NELL1: variants seen among roughly 807,000 people sequenced by gnomAD.
NELL1 encodes protein kinase C-binding protein NELL1.
In NELL1, 76 loss-of-function variants were observed where a neutral mutation model predicts 107.4. The observed-to-expected ratio is 0.71, with a 90% confidence interval of 0.59 to 0.86. NELL1 has a LOEUF of 0.86. Ranked by LOEUF, NELL1 falls within the 40% of genes least tolerant of loss-of-function variation. NELL1 has a pLI of 0.00. For synonymous variants in NELL1, 353 were observed against 341.2 expected, an observed-to-expected ratio of 1.03 and a Z score of -0.38; for missense variants, 1,024 against 1,005.5, an observed-to-expected ratio of 1.02 and a Z score of -0.25.
chr11:21,405,509 T>C (rs1212645698), intron 15 of NELL1, among the ~76,000 whole-genome samples: 1 of 152,036 alleles, frequency 6.6e-6, no homozygotes, highest in Non-Finnish European at 1.5e-5. Context: ...CCTATGAAGT[T>C]AATACGAGAA....
chr11:20,741,586 T>C (rs1855890867), intron 2 of NELL1, among the ~76,000 whole-genome samples: 3 of 152,188 alleles, frequency 2.0e-5, no homozygotes, highest in Admixed American at 6.5e-5. Flanking sequence ...TTTCTTTTCA[T>C]CTCTGTGAAT....
At chr11:20,790,826 C>T (rs899536377) in intron 3 of NELL1, among the ~76,000 whole-genome samples, 4 of 152,176 alleles carry the variant, frequency 2.6e-5, no homozygotes, top group African/African-American at 9.7e-5. Context: ...TTTCAAGGCT[C>T]CCAGTGGCTC....
intron 15 of NELL1, among the ~76,000 whole-genome samples, chr11:21,429,371 G>A (rs931796704): frequency 6.6e-6 from 1 of 152,126 alleles, no homozygotes; most frequent in Non-Finnish European, 1.5e-5. Context: ...ATCAATCAAG[G>A]GCTTGAACCT....
chr11:21,384,619 C>T (rs1564869239), intron 15 of NELL1, among the ~76,000 whole-genome samples: 1 of 152,014 alleles, frequency 6.6e-6, no homozygotes, highest in Non-Finnish European at 1.5e-5. Context: ...ACAACAGTCC[C>T]CAGAGTGTGA....
chr11:21,164,754 A>G (rs1856445051), intron 13 of NELL1, among the ~76,000 whole-genome samples: 1 of 152,206 alleles, frequency 6.6e-6, no homozygotes, highest in Non-Finnish European at 1.5e-5. Flanking sequence ...GAAGGAGAAC[A>G]AAAATCCTCT....
intron 14 of NELL1, among the ~76,000 whole-genome samples, chr11:21,246,809 TGGCAAAA>T (rs910583631): frequency 6.6e-5 from 10 of 152,220 alleles, no homozygotes; most frequent in Admixed American, 2.6e-4. Context: ...CTCACAATCA[TGGCAAAA>T]GGCAAAAGGC....
At chr11:21,268,638 A>G (rs902205863) in intron 14 of NELL1, among the ~76,000 whole-genome samples, 1 of 152,158 alleles carries the variant, frequency 6.6e-6, no homozygotes, top group African/African-American at 2.4e-5. Flanking sequence ...TAATGAAAGA[A>G]TGAGACCTAA....
At chr11:21,258,866 G>A (rs1350635093) in intron 14 of NELL1, among the ~76,000 whole-genome samples, 1 of 151,948 alleles carries the variant, frequency 6.6e-6, no homozygotes, top group African/African-American at 2.4e-5. Context: ...GGCAGAGATA[G>A]AGGTTCAGAA....
intron 13 of NELL1, among the ~76,000 whole-genome samples, chr11:21,199,711 A>C (rs899992081): frequency 6.6e-6 from 1 of 152,086 alleles, no homozygotes; most frequent in African/African-American, 2.4e-5. Flanking sequence ...GGTTTGTTAC[A>C]TAGGTATACA....
At chr11:21,394,366 A>G (rs1237457701) in intron 15 of NELL1, among the ~76,000 whole-genome samples, 1 of 151,562 alleles carries the variant, frequency 6.6e-6, no homozygotes, top group Non-Finnish European at 1.5e-5. Flanking sequence ...AATAATATAT[A>G]CAGAACTCAT....
At chr11:21,332,100 C>T (rs1850285143) in intron 14 of NELL1, among the ~76,000 whole-genome samples, 1 of 152,178 alleles carries the variant, frequency 6.6e-6, no homozygotes, top group Non-Finnish European at 1.5e-5. Flanking sequence ...TTCAACTGGA[C>T]TCTCAGCTCT....
intron 12 of NELL1, among the ~76,000 whole-genome samples, chr11:21,047,702 A>C (rs1239563600): frequency 6.6e-6 from 1 of 152,192 alleles, no homozygotes; most frequent in African/African-American, 2.4e-5. Context: ...TTATGCTAAC[A>C]TATAAAATGG....
chr11:21,172,204 T>C (rs1236275950), intron 13 of NELL1, among the ~76,000 whole-genome samples: 1 of 151,870 alleles, frequency 6.6e-6, no homozygotes, highest in Non-Finnish European at 1.5e-5. Flanking sequence ...TCCTTCCAAA[T>C]CTAAAATTCT....
At chr11:21,452,694 C>G (rs573481526) in intron 15 of NELL1, among the ~76,000 whole-genome samples, 26 of 151,848 alleles carry the variant, frequency 1.7e-4, no homozygotes, top group Non-Finnish European at 2.7e-4. Context: ...TATTTCCTTC[C>G]TACAGTGTAC....
At chr11:21,531,170 C>T (rs115546304) in intron 15 of NELL1, among the ~76,000 whole-genome samples, 1 of 152,108 alleles carries the variant, frequency 6.6e-6, no homozygotes, top group African/African-American at 2.4e-5. Context: ...ATACAAAACA[C>T]AAACACACAC....
At chr11:20,718,283 A>G (rs1163655151) in intron 2 of NELL1, among the ~76,000 whole-genome samples, 1 of 152,136 alleles carries the variant, frequency 6.6e-6, no homozygotes, top group Non-Finnish European at 1.5e-5. Context: ...TGCAACTGAG[A>G]AGCTGGATTT....
chr11:20,857,556 G>A (rs997600948), intron 4 of NELL1, among the ~76,000 whole-genome samples: 1 of 152,226 alleles, frequency 6.6e-6, no homozygotes, highest in East Asian at 1.9e-4. Flanking sequence ...TCTCCTGTGA[G>A]TGTGGAGAAA....
At chr11:21,296,937 CA>C (rs1173796433) in intron 14 of NELL1, among the ~76,000 whole-genome samples, 1 of 151,074 alleles carries the variant, frequency 6.6e-6, no homozygotes, top group Non-Finnish European at 1.5e-5. Flanking sequence ...ACCCATAAAT[CA>C]AATATTATAC....
intron 2 of NELL1, among the ~76,000 whole-genome samples, chr11:20,766,515 A>G (rs1163351382): frequency 6.6e-6 from 1 of 152,182 alleles, no homozygotes; most frequent in Non-Finnish European, 1.5e-5. Flanking sequence ...ATTTAAACAG[A>G]AGATCTCACC....
Sources: allele counts gnomAD v4.1 joint callset (sites outside exome capture counted in the v4.1 genomes callset), GRCh38; gene constraint gnomAD v4.1.1; transcripts MANE v1.5; gene names NCBI Gene and HGNC (gene_info 2026-07-23, HGNC 2026-07-21).